Variants in UNG observed in about 807,000 individuals in gnomAD.
The protein encoded by UNG is uracil DNA glycosylase.
Under a neutral mutation model 36.5 loss-of-function variants are expected in UNG, and 34 were observed. The ratio of observed to expected loss-of-function variants is 0.93; its 90% CI spans 0.71 to 1.24. The LOEUF (loss-of-function observed/expected upper bound fraction) is 1.24. Ranked by LOEUF, UNG falls within the 50% of genes most tolerant of loss-of-function variation. The pLI is 0.00. For synonymous variants in UNG, 172 were observed against 157.8 expected, an observed-to-expected ratio of 1.09 and a Z score of -0.67; for missense variants, 391 against 397.6, an observed-to-expected ratio of 0.98 and a Z score of 0.14.
chr12:109,098,130 G>T (rs895409244), intron 1 of UNG: 2 of 1,387,902 alleles, frequency 1.4e-6, no homozygotes, highest in Admixed American at 6.3e-5. Context: ...AAGACCACGT[G>T]GGGACGCGGT....
At chr12:109,101,765 C>A (rs1442838942) in intron 3 of UNG, 137 bp from the exon 4 acceptor site, 1 of 749,686 alleles carries the variant, frequency 1.3e-6, no homozygotes, top group African/African-American at 1.7e-5. Context: ...ATACGCTTAG[C>A]CTTTGACCAG....
intron 6 of UNG, among the ~76,000 whole-genome samples, chr12:109,105,906 T>C (rs2135889972): frequency 6.6e-6 from 1 of 152,270 alleles, no homozygotes; most frequent in East Asian, 1.9e-4. Flanking sequence ...TTCAGGGGGG[T>C]AGAGGGGTGG....
chr12:109,098,530 C>T lies in UNG; in HGVS notation c.231C>T (p.Asn77=), dbSNP rs762261195. The change falls in exon 2 of 7, where the codon AAC becomes AAT. Residue 77 remains asparagine (N), a synonymous_variant. Transcript: ENST00000242576. The stretch of plus-strand genomic sequence containing the variant: ...AGCAGTTGGACCGGATCCAGAGGAA[C>T]AAGGCCGCGGCCCTGCTCAGACTCG... ...SAEQLDRIQR[N]KAAALLRLAA... is the part of the protein sequence containing the mutation. 1 of 1,612,956 alleles carries T rather than the reference C, an allele frequency of 6.2e-7. No individual in the cohort carries two copies. Among genetic ancestry groups the T allele is most frequent in the Non-Finnish European group, 8.5e-7 (1 of 1,179,968 alleles).
At chr12:109,100,882 C>T (rs1310586140) in intron 3 of UNG, among the ~76,000 whole-genome samples, 2 of 152,118 alleles carry the variant, frequency 1.3e-5, no homozygotes, top group African/African-American at 4.8e-5. Context: ...AACGCAATGG[C>T]AGAAGCTTGA....
intron 5 of UNG, 121 bp from the exon 6 acceptor site, chr12:109,103,312 G>A (rs926149978): frequency 6.3e-6 from 6 of 956,120 alleles, no homozygotes; most frequent in Middle Eastern, 2.8e-4. Context: ...CAGCAGGGAA[G>A]CACAGCTTGC....
chr12:109,097,848 G>A (rs998462991), intron 1 of UNG, 37 bp downstream of exon 1: 2 of 1,492,864 alleles, frequency 1.3e-6, no homozygotes, highest in African/African-American at 1.4e-5. Context: ...GGGGGTGAAG[G>A]GGGAGGAAGG....
rs542963349 is a variant in UNG, at chr12:109,104,287, G to T, written c.801+676G>T. 2.6e-5 allele frequency among the ~76,000 whole-genome samples: 4 copies of T among 151,958 alleles called. No individual in the cohort carries two copies. In the East Asian group the frequency reaches 5.8e-4, roughly 22 times the overall value. The stretch of plus-strand genomic sequence containing the variant: ...TGGTTTTGAACTCCTGACCTCAAGC[G>T]ATCTGTCCTCCTCAACCTCCAAAGT... On this transcript the variant is annotated intron_variant, in intron 6 of 6. Coordinates refer to ENST00000242576, the MANE Select transcript of UNG (RefSeq NM_080911.3).
intron 6 of UNG, among the ~76,000 whole-genome samples, chr12:109,107,229 C>T (rs1340528763): frequency 6.6e-6 from 1 of 152,022 alleles, no homozygotes; most frequent in Non-Finnish European, 1.5e-5. Context: ...GAAACAGGGT[C>T]TAGCTCTGTC....
intron 3 of UNG, chr12:109,099,492 T>C (rs751738817): frequency 1.2e-4 from 71 of 589,042 alleles, no homozygotes; most frequent in Non-Finnish European, 2.0e-4. Flanking sequence ...GAAAACTATG[T>C]ACATCCTGTG....
rs765993097 is a variant in UNG, at chr12:109,098,604, T to A, written c.305T>A (p.Leu102His). The change falls in exon 2 of 7, where the codon CTC (leucine) becomes CAC (histidine). Residue 102 changes from leucine to histidine, a missense_variant. Transcript: ENST00000242576. The stretch of plus-strand genomic sequence containing the variant: ...TTTGGAGAGAGCTGGAAGAAGCACC[T>A]CAGCGGGGAGTTCGGGAAACCGTAT... ...VGFGESWKKH[L>H]SGEFGKPYFI... 1.9e-6 allele frequency: 3 copies of A among 1,613,540 alleles called. No individual in the cohort carries two copies. In the Admixed American group the frequency reaches 5.0e-5, roughly 27 times the overall value.
intron 6 of UNG, 39 bp downstream of exon 6, chr12:109,103,650 A>G (rs752510060): frequency 1.3e-6 from 2 of 1,527,514 alleles, no homozygotes; most frequent in Admixed American, 1.9e-5. Context: ...TTTTTTTTTT[A>G]ACACTATAAA....
chr12:109,109,506 G>A (rs1469175149), intron 6 of UNG, among the ~76,000 whole-genome samples: 1 of 151,240 alleles, frequency 6.6e-6, no homozygotes, highest in African/African-American at 2.4e-5. Context: ...AGTCCCGGCC[G>A]GGCATGGTGG....
chr12:109,102,083 G>A, intron 4 of UNG, 84 bp downstream of exon 4: 1 of 1,254,612 alleles, frequency 8.0e-7, no homozygotes, highest in Non-Finnish European at 1.2e-6. Flanking sequence ...GGACTATCTG[G>A]GGCACTGTTC....
intron 1 of UNG, 120 bp from the exon 2 acceptor site, chr12:109,098,312 G>C: frequency 6.3e-7 from 1 of 1,592,470 alleles, no homozygotes; most frequent in Non-Finnish European, 8.6e-7. Context: ...GCTTTTGCTG[G>C]GACCTGTTCC....
chr12:109,103,865 G>A (rs1172312748), intron 6 of UNG, among the ~76,000 whole-genome samples: 1 of 152,166 alleles, frequency 6.6e-6, no homozygotes, highest in Non-Finnish European at 1.5e-5. Flanking sequence ...AGTTGGTGCT[G>A]TAGGCATGAA....
In UNG at chr12:109,098,634, T is replaced by C; in HGVS notation, c.335T>C (p.Ile112Thr). ...LSGEFGKPYF[I>T]KLMGFVAEER... ...GGGGAGTTCGGGAAACCGTATTTTA[T>C]CAAGGTAAATATGGAAATGCACCTT... Residue 112 changes from isoleucine to threonine, a missense_variant, in exon 2 of 7, where the codon ATC (isoleucine) becomes ACC (threonine). Physicochemically the swap from Ile to Thr is moderately conservative, Grantham distance 89. Coordinates refer to ENST00000242576, the MANE Select transcript of UNG (RefSeq NM_080911.3). 1 of 1,613,500 alleles carries C rather than the reference T, an allele frequency of 6.2e-7. No individual in the cohort carries two copies. Among genetic ancestry groups the C allele is most frequent in the Non-Finnish European group, 8.5e-7 (1 of 1,180,036 alleles).
chr12:109,098,282 G>A, intron 1 of UNG, 150 bp from the exon 2 acceptor site: 1 of 1,560,806 alleles, frequency 6.4e-7, no homozygotes, highest in South Asian at 1.2e-5. Flanking sequence ...ACCGGGCCCA[G>A]CCCTGGGCTC....
At chr12:109,107,518 CTTTTTTT>C (rs34833015) in intron 6 of UNG, among the ~76,000 whole-genome samples, 9 of 89,436 alleles carry the variant, frequency 1.0e-4, no homozygotes, top group South Asian at 3.8e-4. Flanking sequence ...GACTATTCCT[CTTTTTTT>C]TTTTTTTTTT....
At chr12:109,104,204 C>T (rs556714182) in intron 6 of UNG, among the ~76,000 whole-genome samples, 1 of 152,084 alleles carries the variant, frequency 6.6e-6, no homozygotes, top group East Asian at 1.9e-4. Context: ...CGCCACCACA[C>T]CCGGCTGATT....
Sources: allele counts gnomAD v4.1 joint callset (sites outside exome capture counted in the v4.1 genomes callset), GRCh38; gene constraint gnomAD v4.1.1; transcripts MANE v1.5; gene names NCBI Gene and HGNC (gene_info 2026-07-23, HGNC 2026-07-21).